Variants in SEZ6 observed in about 807,000 individuals in gnomAD.
The protein encoded by SEZ6 is seizure protein 6 homolog.
In SEZ6, 53 loss-of-function variants were observed where a neutral mutation model predicts 101.0. That is an observed-to-expected ratio of 0.52 (90% CI 0.42 to 0.66). The LOEUF (loss-of-function observed/expected upper bound fraction) is 0.66. SEZ6 is among the 30% of genes least tolerant of loss of function. SEZ6 has a pLI of 0.00. For synonymous variants in SEZ6, 488 were observed against 512.2 expected, an observed-to-expected ratio of 0.95 and a Z score of 0.64; for missense variants, 1,102 against 1,289.4, an observed-to-expected ratio of 0.85 and a Z score of 2.23.
chr17:28,981,273 G>C, intron 2 of SEZ6, 98 bp downstream of exon 2: 2 of 1,455,600 alleles, frequency 1.4e-6, no homozygotes, highest in Non-Finnish European at 1.8e-6. Context: ...GGTGCCAAAG[G>C]GCAGGGCAGG....
chr17:28,960,963 G>T lies in SEZ6; in HGVS notation c.1251C>A (p.Gly417=). 1 of 1,612,990 alleles carries T rather than the reference G, an allele frequency of 6.2e-7. No individual in the cohort carries two copies. The highest frequency in any genetic ancestry group is 1.3e-5 in the African/African-American group (1 of 75,016). ...SKEPVCIAAC[G]GVIRNATTGR... is the part of the protein sequence containing the mutation. ...CGGTGGTGGCATTGCGGATCACTCCGCCGCAAGCAGCTGTTAAGACCAGGA... is the reference window on the plus strand; with the variant it reads ...CGGTGGTGGCATTGCGGATCACTCCTCCGCAAGCAGCTGTTAAGACCAGGA... Residue 417 remains glycine, a synonymous_variant, in exon 6 of 17, where the codon GGC becomes GGA. Transcript: ENST00000317338.
chr17:28,981,561 G>C lies in SEZ6; in HGVS notation c.534C>G (p.Ser178Arg). The change falls in exon 2 of 17, where the codon AGC becomes AGG. Residue 178 changes from serine (S) to arginine (R), a missense_variant. Physicochemically the swap from Ser to Arg is moderately radical, Grantham distance 110 (BLOSUM62 -1). Around this residue, in one of 3 missense-constraint regions of SEZ6, gnomAD observed 406 missense variants for 418.6 expected, o/e 0.97. Coordinates refer to ENST00000317338, the MANE Select transcript of SEZ6 (RefSeq NM_178860.5). ...PGEIASTTPP[S>R]RAWTPTQEGP... ...CCTCTTGGGTTGGTGTCCAGGCTCT[G>C]CTGGGGGGTGTAGTGCTGGCTATCT... is the stretch of plus-strand genomic sequence containing the variant. 6.2e-7 allele frequency: 1 copy of C among 1,612,406 alleles called. No homozygotes were observed. The highest frequency in any genetic ancestry group is 1.3e-5 in the African/African-American group (1 of 75,050).
intron 1 of SEZ6, among the ~76,000 whole-genome samples, chr17:28,994,516 C>T (rs899742480): frequency 5.3e-5 from 8 of 152,094 alleles, no homozygotes; most frequent in Admixed American, 2.0e-4. Flanking sequence ...CCTCATGATC[C>T]GCCCGCCTCA....
At chr17:28,982,107 G>GATC in intron 1 of SEZ6, 68 bp from the exon 2 acceptor site, 1 of 1,485,704 alleles carries the variant, frequency 6.7e-7, no homozygotes, top group Non-Finnish European at 8.9e-7. Context: ...CCCAACTCGA[G>GATC]TAGTGGGGGG....
At chr17:28,961,022 G>A (rs756363500) in intron 5 of SEZ6, 49 bp from the exon 6 acceptor site, 1 of 1,573,794 alleles carries the variant, frequency 6.4e-7, no homozygotes. Context: ...CTGAACCCAG[G>A]CAGCCTAACA....
chr17:28,977,708 TG>T (rs1048456074), intron 3 of SEZ6, among the ~76,000 whole-genome samples: 14 of 146,180 alleles, frequency 9.6e-5, no homozygotes, highest in East Asian at 2.0e-4. Flanking sequence ...GTGGTAGGCT[TG>T]GGGGGGGCAG....
At chr17:28,998,592 A>C (rs1270984713) in intron 1 of SEZ6, among the ~76,000 whole-genome samples, 1 of 152,070 alleles carries the variant, frequency 6.6e-6, no homozygotes, top group African/African-American at 2.4e-5. Context: ...ATCAGGATCA[A>C]AGGAAATCAG....
intron 1 of SEZ6, among the ~76,000 whole-genome samples, chr17:28,983,782 G>A (rs1438252446): frequency 6.6e-6 from 1 of 152,044 alleles, no homozygotes; most frequent in Admixed American, 6.6e-5. Flanking sequence ...GCCGGGGTGA[G>A]ATCACAGAGT....
intron 5 of SEZ6, among the ~76,000 whole-genome samples, chr17:28,961,188 C>A (rs2040972940): frequency 6.6e-6 from 1 of 152,154 alleles, no homozygotes; most frequent in Non-Finnish European, 1.5e-5. Context: ...TGCCGCCTAA[C>A]CTTTCACACC....
At chr17:28,983,567 T>G (rs2041339274) in intron 1 of SEZ6, among the ~76,000 whole-genome samples, 1 of 152,080 alleles carries the variant, frequency 6.6e-6, no homozygotes, top group South Asian at 2.1e-4. Flanking sequence ...TGTTGACTTA[T>G]TCAACCACAT....
In SEZ6 at chr17:28,955,499, A is replaced by AGG. The variant is rs1482827063; in HGVS notation, c.*461_*462dup. On this transcript the variant is annotated 3_prime_UTR_variant, in exon 17 of 17. Coordinates refer to ENST00000317338, the MANE Select transcript of SEZ6 (RefSeq NM_178860.5). The stretch of plus-strand genomic sequence containing the variant: ...GGACTACCCAGAGGTCACCGTTGAG[A>AGG]GGAGTTTTGGCCATTGGTGATGGCG... The AGG allele has an allele frequency of 2.5e-6, 1 of 397,104 alleles. No individual in the cohort carries two copies. The highest frequency in any genetic ancestry group is 5.1e-6 in the Non-Finnish European group (1 of 195,914). The allele number at this position is 397,104 out of a possible 1,614,324, so 24.6% of individuals were successfully genotyped here.
At chr17:28,995,387 G>A (rs1204679870) in intron 1 of SEZ6, among the ~76,000 whole-genome samples, 1 of 152,104 alleles carries the variant, frequency 6.6e-6, no homozygotes, top group African/African-American at 2.4e-5. Flanking sequence ...AGTCAGGGAT[G>A]GAGGTGTGAG....
intron 1 of SEZ6, among the ~76,000 whole-genome samples, chr17:28,994,814 G>A (rs2041513732): frequency 6.6e-6 from 1 of 152,154 alleles, no homozygotes; most frequent in African/African-American, 2.4e-5. Context: ...CGGATGGGCA[G>A]GGGTAGAGGA....
intron 1 of SEZ6, among the ~76,000 whole-genome samples, chr17:28,995,173 G>A (rs1046516414): frequency 6.6e-6 from 1 of 152,114 alleles, no homozygotes; most frequent in Non-Finnish European, 1.5e-5. Context: ...GCGCCCGGCC[G>A]ACTTGTCACT....
rs1773573874 is a variant in SEZ6 at position 29,006,017 on chromosome 17, G to A, written c.-148C>T. The A allele has an allele frequency of 3.3e-6, 2 of 598,354 alleles. No homozygotes were observed. Among genetic ancestry groups the A allele is most frequent in the Non-Finnish European group, 4.8e-6 (2 of 420,536 alleles). The allele number at this position is 598,354 out of a possible 1,614,324, so 37.1% of individuals were successfully genotyped here. A position where few individuals can be genotyped will look rare whatever the true frequency, so the allele number is the denominator to read the frequency against. ...ACCGCCGCTGCCGCCGCCAGCGCCT[G>A]ACAGAATCAGCACCACGGCCAGCGC... On this transcript the variant is annotated 5_prime_UTR_variant, in exon 1 of 17. Coordinates refer to ENST00000317338, the MANE Select transcript of SEZ6 (RefSeq NM_178860.5).
At chr17:28,965,475 G>GC (rs2041050593) in intron 4 of SEZ6, among the ~76,000 whole-genome samples, 1 of 152,030 alleles carries the variant, frequency 6.6e-6, no homozygotes, top group Non-Finnish European at 1.5e-5. Flanking sequence ...CCCCATCTCT[G>GC]TAAAAAATTT....
In SEZ6 at chr17:29,005,675, C is replaced by T. The variant is rs1468043910; in HGVS notation, c.55+140G>A. ...CCCGCGCCCCGCCCGGCTTGGCCGGCGCCGGGGGCAGCGCAGCCGGCGGGG... is the reference window on the plus strand; with the variant it reads ...CCCGCGCCCCGCCCGGCTTGGCCGGTGCCGGGGGCAGCGCAGCCGGCGGGG... On this transcript the variant is annotated intron_variant, in intron 1 of 16. Coordinates refer to ENST00000317338, the MANE Select transcript of SEZ6 (RefSeq NM_178860.5). The surrounding 1 kb of genome is among the most constrained non-coding windows in gnomAD (Gnocchi z 4.8). 3 of 794,286 alleles carry T rather than the reference C, an allele frequency of 3.8e-6. No homozygotes were observed. The highest frequency in any genetic ancestry group is 5.3e-5 in the South Asian group (1 of 18,948). The allele number at this position is 794,286 out of a possible 1,614,324, so 49.2% of individuals were successfully genotyped here. A position where few individuals can be genotyped will look rare whatever the true frequency, so the allele number is the denominator to read the frequency against.
intron 10 of SEZ6, 63 bp from the exon 11 acceptor site, chr17:28,958,204 C>T: frequency 3.3e-6 from 5 of 1,522,774 alleles, no homozygotes; most frequent in Non-Finnish European, 4.4e-6. Context: ...GTCCCCCTCA[C>T]CTTGAGGGCA....
At chr17:28,997,979 G>C (rs971906543) in intron 1 of SEZ6, among the ~76,000 whole-genome samples, 1 of 152,074 alleles carries the variant, frequency 6.6e-6, no homozygotes, top group Non-Finnish European at 1.5e-5. Context: ...CCAGGCTCTG[G>C]GACTCCTTAG....
Sources: allele counts gnomAD v4.1 joint callset (sites outside exome capture counted in the v4.1 genomes callset), GRCh38; gene constraint gnomAD v4.1.1; regional missense constraint gnomAD v4.1.1; non-coding constraint Gnocchi (gnomAD v3.1); transcripts MANE v1.5; gene names NCBI Gene and HGNC (gene_info 2026-07-23, HGNC 2026-07-21).